DIS3L2: variants seen among roughly 807,000 people sequenced by gnomAD.
The protein encoded by DIS3L2 is DIS3-like exonuclease 2.
A neutral mutation model predicts 97.5 loss-of-function variants in DIS3L2; 34 were observed. The observed-to-expected ratio is 0.35, with a 90% CI of 0.27 to 0.46. DIS3L2 has a LOEUF of 0.46. Among genes scored for constraint, DIS3L2 ranks in the 20% least tolerant of loss-of-function variants. The probability of loss-of-function intolerance (pLI) is 1.00; values close to 1 mark genes in which losing one functional copy is unlikely to be tolerated. For synonymous variants in DIS3L2, 435 were observed against 445.2 expected (o/e 0.98, Z 0.29); for missense variants, 1,038 against 1,146.0 (o/e 0.91, Z 1.36).
Position 231,993,475 on chromosome 2 carries a change from A to T in DIS3L2, c.-93-21360A>T, listed in dbSNP as rs549110770. On this transcript the variant is annotated intron_variant, in intron 1 of 20. Transcript: ENST00000325385. The stretch of plus-strand genomic sequence containing the variant: ...GTGATCCACCTGCCTCGGCCTCCCA[A>T]AGTGCTGGGATTACAAGTGTGAGCC... Among the ~76,000 whole-genome samples the T allele has an allele frequency of 2.4e-4, 37 of 152,172 alleles. No homozygotes were observed. The South Asian group carries it at 3.3e-3, about 14-fold the overall frequency.
At chr2:232,220,838 C>T (rs1273952849) in intron 10 of DIS3L2, among the ~76,000 whole-genome samples, 1 of 152,096 alleles carries the variant, frequency 6.6e-6, no homozygotes, top group East Asian at 1.9e-4. Context: ...CATGGTGGCT[C>T]ATTCCTGTAA....
At chr2:231,965,047 A>G (rs1692673487) in intron 1 of DIS3L2, among the ~76,000 whole-genome samples, 1 of 152,202 alleles carries the variant, frequency 6.6e-6, no homozygotes. Flanking sequence ...TTTGTGACCT[A>G]TTTCTTTCAA....
intron 8 of DIS3L2, among the ~76,000 whole-genome samples, chr2:232,146,115 A>G (rs1690209628): frequency 1.3e-5 from 2 of 152,208 alleles, no homozygotes; most frequent in South Asian, 4.1e-4. Context: ...GCCTAGTTCA[A>G]CATGGAAGTT....
rs1401069670 is a variant in DIS3L2 at position 232,293,062 on chromosome 2, G to C, written c.1660-6978G>C. ...CTGACTTCCCAAGCTGAGCTGCTCTGTGGGTGGTCCCTGCAGGTGGTGATT... is the reference window on the plus strand; with the variant it reads ...CTGACTTCCCAAGCTGAGCTGCTCTCTGGGTGGTCCCTGCAGGTGGTGATT... On this transcript the variant is annotated intron_variant, in intron 13 of 20. Transcript: ENST00000325385. This position sits in a 1 kb window ranked among gnomAD's most constrained non-coding sequence, Gnocchi z 4.6. 6.6e-6 allele frequency among the ~76,000 whole-genome samples: 1 copy of C among 152,132 alleles called. No individual in the cohort carries two copies.
At chr2:232,096,524 C>T (rs1310205065) in intron 6 of DIS3L2, among the ~76,000 whole-genome samples, 3 of 152,136 alleles carry the variant, frequency 2.0e-5, no homozygotes, top group African/African-American at 7.2e-5. Flanking sequence ...ATATGTCTTT[C>T]TCTACCTCCT....
chr2:232,232,773 T>C (rs765072534), intron 10 of DIS3L2, among the ~76,000 whole-genome samples: 1 of 152,118 alleles, frequency 6.6e-6, no homozygotes, highest in African/African-American at 2.4e-5. Flanking sequence ...GCTGGTGATA[T>C]ACAATTAGAA....
Position 232,087,444 on chromosome 2 carries a change from TTCCTCTCTCAGTGATTTAGCAGAA to T in DIS3L2, c.367-41_367-18del. The T allele has an allele frequency of 6.8e-7, 1 of 1,469,944 alleles. No homozygotes were observed. Among genetic ancestry groups the T allele is most frequent in the African/African-American group, 1.4e-5 (1 of 70,502 alleles). 91.1% of individuals were successfully genotyped at this position (1,469,944 alleles called of 1,614,324 possible). Reference sequence around the variant, plus strand: ...AAGAAAAATCTGCTCTTTTTTTTTTTTCCTCTCTCAGTGATTTAGCAGAATTTTTCTGTTTTCTTTAGGTAGTTA... The same window carrying T: ...AAGAAAAATCTGCTCTTTTTTTTTTTTTTTTCTGTTTTCTTTAGGTAGTTA... On this transcript the variant is annotated intron_variant, in intron 5 of 20. Coordinates refer to ENST00000325385, the MANE Select transcript of DIS3L2 (RefSeq NM_152383.5).
In DIS3L2 at chr2:232,308,216, C is replaced by T. The variant is rs562749998; in HGVS notation, c.1739+8097C>T. On this transcript the variant is annotated intron_variant, in intron 14 of 20. Coordinates refer to ENST00000325385, the MANE Select transcript of DIS3L2 (RefSeq NM_152383.5). ...TTTGGGGGTGCAGTTGCCCTGAATA[C>T]CTGCCTGATTGGCCCTTGTAGTAGA... is the stretch of plus-strand genomic sequence containing the variant. Among the ~76,000 whole-genome samples the T allele has an allele frequency of 3.3e-5, 5 of 152,318 alleles. No homozygotes were observed. The South Asian group carries it at 1.0e-3, about 32-fold the overall frequency.
At chr2:232,008,501 T>G (rs1694111728) in intron 1 of DIS3L2, among the ~76,000 whole-genome samples, 2 of 152,296 alleles carry the variant, frequency 1.3e-5, no homozygotes, top group Admixed American at 6.5e-5. Flanking sequence ...AAAATAACCC[T>G]TCCAATTAAC....
At chr2:232,112,550 G>C (rs1697569672) in intron 6 of DIS3L2, among the ~76,000 whole-genome samples, 1 of 152,150 alleles carries the variant, frequency 6.6e-6, no homozygotes, top group Non-Finnish European at 1.5e-5. Context: ...GTCTGCTCTT[G>C]TCCCCAGGGC....
At chr2:232,184,808 A>G (rs1414312488) in intron 9 of DIS3L2, among the ~76,000 whole-genome samples, 1 of 152,170 alleles carries the variant, frequency 6.6e-6, no homozygotes, top group African/African-American at 2.4e-5. Flanking sequence ...AGGAAAATAA[A>G]TTTCTTAGCT....
In DIS3L2 at chr2:231,970,966, A is replaced by G. The variant is rs1033550457; in HGVS notation, c.-94+9201A>G. On this transcript the variant is annotated intron_variant, in intron 1 of 20. Transcript: ENST00000325385. ...TTTTTTGTTAAAAACTAAGACACAA[A>G]CACACACGTTAGCCTAGGCCTACAT... 3.9e-5 allele frequency among the ~76,000 whole-genome samples: 6 copies of G among 152,272 alleles called. No individual in the cohort carries two copies. The South Asian group carries it at 8.3e-4, about 21-fold the overall frequency.
At chr2:232,333,159 T>TC (rs1695803799) in intron 16 of DIS3L2, among the ~76,000 whole-genome samples, 2 of 58,350 alleles carry the variant, frequency 3.4e-5, no homozygotes, top group Non-Finnish European at 3.3e-5. Flanking sequence ...ACCTCCTCCT[T>TC]CTCCTCCTCC....
intron 1 of DIS3L2, among the ~76,000 whole-genome samples, chr2:232,008,946 C>T (rs983446988): frequency 6.6e-6 from 1 of 152,206 alleles, no homozygotes; most frequent in South Asian, 2.1e-4. Flanking sequence ...GTTAATTCAT[C>T]TACCTTCAAA....
At position 232,336,889 on chromosome 2, in the gene DIS3L2, T is replaced by C. The variant is rs1695975456; in HGVS notation, c.*259T>C. 7.6e-7 allele frequency: 1 copy of C among 1,311,576 alleles called. No individual in the cohort carries two copies. The highest frequency in any genetic ancestry group is 1.7e-5 in the South Asian group (1 of 60,542). The allele number at this position is 1,311,576 out of a possible 1,614,324, so 81.2% of individuals were successfully genotyped here. The stretch of plus-strand genomic sequence containing the variant: ...CCTCCTGGGAGGCTGGCCCCCCTTT[T>C]TTCTGGGCCCTACTGCCCTCCTCTG... On this transcript the variant is annotated 3_prime_UTR_variant, in exon 21 of 21. Transcript: ENST00000325385.
At chr2:232,032,903 A>G (rs1279033353) in intron 5 of DIS3L2, among the ~76,000 whole-genome samples, 4 of 152,154 alleles carry the variant, frequency 2.6e-5, no homozygotes, top group Non-Finnish European at 5.9e-5. Context: ...GCCTTGTAGT[A>G]TAGTTTGAAG....
intron 3 of DIS3L2, 62 bp from the exon 4 acceptor site, chr2:232,024,215 A>T: frequency 1.6e-6 from 2 of 1,251,214 alleles, no homozygotes; most frequent in South Asian, 2.8e-5. Context: ...GGAGAATAAC[A>T]TACGTGGAAA....
chr2:231,990,742 T>C (rs1306183537), intron 1 of DIS3L2, among the ~76,000 whole-genome samples: 1 of 152,198 alleles, frequency 6.6e-6, no homozygotes, highest in Admixed American at 6.5e-5. Flanking sequence ...TCAGTGGCAT[T>C]AAGATGATTC....
intron 10 of DIS3L2, among the ~76,000 whole-genome samples, chr2:232,212,894 G>C (rs181557641): frequency 6.6e-6 from 1 of 152,228 alleles, no homozygotes; most frequent in Admixed American, 6.5e-5. Context: ...CCAAGATGGT[G>C]CCAAGGTTTC....
Sources: gnomAD v4.1 joint callset for allele counts (sites outside exome capture counted in the v4.1 genomes callset) on GRCh38, gnomAD v4.1.1 for gene constraint, Gnocchi (gnomAD v3.1) non-coding constraint, MANE v1.5 for transcripts, NCBI Gene and HGNC (gene_info 2026-07-23, HGNC 2026-07-21) for gene names.